The following ADGRL3 variants were observed in gnomAD, a reference collection of about 807,000 sequenced individuals.
ADGRL3 encodes the protein adhesion G protein-coupled receptor L3, also known as calcium-independent alpha-latrotoxin receptor 3.
Under a neutral mutation model 153.5 loss-of-function variants are expected in ADGRL3, and 62 were observed. The observed-to-expected ratio is 0.40, with a 90% CI of 0.33 to 0.50. ADGRL3 has a LOEUF of 0.50. Ranked by LOEUF, ADGRL3 falls within the 20% of genes least tolerant of loss-of-function variation. The pLI is 0.47. For missense variants in ADGRL3, 1,641 were observed against 1,859.4 expected (o/e 0.88, Z 2.16); for synonymous variants, 710 against 672.5 (o/e 1.06, Z -0.86).
intron 2 of ADGRL3, among the ~76,000 whole-genome samples, chr4:61,396,118 C>T (rs1169128625): frequency 6.6e-6 from 1 of 151,918 alleles, no homozygotes; most frequent in Non-Finnish European, 1.5e-5. Context: ...AAAGTGCTAC[C>T]TACAGTGTGC....
At chr4:61,402,137 A>G (rs2096936589) in intron 2 of ADGRL3, among the ~76,000 whole-genome samples, 1 of 152,112 alleles carries the variant, frequency 6.6e-6, no homozygotes, top group African/African-American at 2.4e-5. Flanking sequence ...CAACACTTAC[A>G]ACATGTAAAA....
At chr4:61,490,341 T>C (rs2098244835) in intron 2 of ADGRL3, among the ~76,000 whole-genome samples, 1 of 151,970 alleles carries the variant, frequency 6.6e-6, no homozygotes. Context: ...TCCTCATTGT[T>C]TCCTTCTCTT....
intron 8 of ADGRL3, among the ~76,000 whole-genome samples, chr4:61,783,196 T>G (rs1464792585): frequency 3.9e-5 from 6 of 152,128 alleles, no homozygotes; most frequent in Non-Finnish European, 8.8e-5. Context: ...TTGATATCAG[T>G]GGCTTAAGGG....
intron 1 of ADGRL3, among the ~76,000 whole-genome samples, chr4:61,264,733 C>T (rs1390892570): frequency 6.6e-6 from 1 of 151,948 alleles, no homozygotes; most frequent in Non-Finnish European, 1.5e-5. Flanking sequence ...TATACTTGAC[C>T]TATGGCAAAT....
intron 8 of ADGRL3, among the ~76,000 whole-genome samples, chr4:61,777,061 T>A (rs555279520): frequency 1.8e-3 from 279 of 152,124 alleles, no homozygotes; most frequent in African/African-American, 6.6e-3. Context: ...TCTGGCCAGG[T>A]GTGCTGGCTC....
At chr4:61,553,997 AGAG>A (rs1023827044) in intron 4 of ADGRL3, among the ~76,000 whole-genome samples, 1 of 152,044 alleles carries the variant, frequency 6.6e-6, no homozygotes, top group African/African-American at 2.4e-5. Context: ...GCCGGAGAAC[AGAG>A]GAGAAAGCTT....
At chr4:61,844,042 A>G (rs1379311263) in intron 9 of ADGRL3, among the ~76,000 whole-genome samples, 2 of 151,102 alleles carry the variant, frequency 1.3e-5, no homozygotes, top group Admixed American at 6.6e-5. Flanking sequence ...AAAAATCAAC[A>G]GTAGACTATA....
At chr4:61,924,649 T>C (rs1463371022) in intron 13 of ADGRL3, among the ~76,000 whole-genome samples, 1 of 152,158 alleles carries the variant, frequency 6.6e-6, no homozygotes, top group Non-Finnish European at 1.5e-5. Flanking sequence ...ACACATGCCG[T>C]TTTAAGGTTT....
chr4:62,073,181 G>T lies in ADGRL3; in HGVS notation c.*2273G>T, dbSNP rs1374985660. 1 of 151,952 alleles carries T rather than the reference G, an allele frequency of 6.6e-6. No individual in the cohort carries two copies. The highest frequency in any genetic ancestry group is 2.4e-5 in the African/African-American group (1 of 41,396). The allele number at this position is 151,952 out of a possible 1,614,324, so 9.4% of individuals were successfully genotyped here. On this transcript the variant is annotated 3_prime_UTR_variant, in exon 27 of 27. Coordinates refer to ENST00000683033, the MANE Select transcript of ADGRL3 (RefSeq NM_001387552.1). ...CTATCTTAAATCAAGTTTAGAGAATGGCCAATAATCTGTATATAGTTTATA... is the reference window on the plus strand; with the variant it reads ...CTATCTTAAATCAAGTTTAGAGAATTGCCAATAATCTGTATATAGTTTATA...
At chr4:61,650,287 G>A (rs2094197860) in intron 5 of ADGRL3, among the ~76,000 whole-genome samples, 1 of 151,368 alleles carries the variant, frequency 6.6e-6, no homozygotes. Flanking sequence ...AAATTAGACT[G>A]TGATTAATTC....
chr4:62,002,210 T>C (rs2099142862), intron 21 of ADGRL3, among the ~76,000 whole-genome samples: 1 of 149,532 alleles, frequency 6.7e-6, no homozygotes, highest in Non-Finnish European at 1.5e-5. Context: ...CCCATTACTC[T>C]TAACTGAAGG....
intron 1 of ADGRL3, among the ~76,000 whole-genome samples, chr4:61,327,882 A>G (rs1283135348): frequency 1.3e-5 from 2 of 152,126 alleles, no homozygotes; most frequent in African/African-American, 4.8e-5. Context: ...TTTTAAAGAA[A>G]TAGGACTTGG....
At chr4:61,977,666 G>T (rs972782866) in intron 17 of ADGRL3, among the ~76,000 whole-genome samples, 3 of 152,128 alleles carry the variant, frequency 2.0e-5, no homozygotes, top group Admixed American at 2.0e-4. Context: ...TTATGATTCA[G>T]ATTACAGCAT....
intron 1 of ADGRL3, among the ~76,000 whole-genome samples, chr4:61,315,865 C>A (rs986313697): frequency 6.6e-6 from 1 of 152,132 alleles, no homozygotes; most frequent in African/African-American, 2.4e-5. Context: ...TTTGCCTTCT[C>A]CTTTCCATTT....
chr4:61,850,538 G>C (rs1427723826), intron 9 of ADGRL3, among the ~76,000 whole-genome samples: 1 of 152,158 alleles, frequency 6.6e-6, no homozygotes, highest in African/African-American at 2.4e-5. Flanking sequence ...TTTAGCTCCT[G>C]TGTCTAATTT....
At chr4:61,272,935 C>T (rs1294283990) in intron 1 of ADGRL3, among the ~76,000 whole-genome samples, 1 of 152,000 alleles carries the variant, frequency 6.6e-6, no homozygotes, top group Non-Finnish European at 1.5e-5. Context: ...AATGTGGATC[C>T]TAGACTCAGA....
chr4:61,845,080 G>A (rs2098098812), intron 9 of ADGRL3, among the ~76,000 whole-genome samples: 1 of 152,068 alleles, frequency 6.6e-6, no homozygotes, highest in Admixed American at 6.6e-5. Flanking sequence ...ATCTTATGTG[G>A]CTAGGTGTAG....
intron 5 of ADGRL3, among the ~76,000 whole-genome samples, chr4:61,649,471 T>C (rs1580087133): frequency 1.3e-5 from 2 of 152,160 alleles, no homozygotes; most frequent in Non-Finnish European, 2.9e-5. Flanking sequence ...AACTTTGCTC[T>C]TTTGTATTTT....
At chr4:61,313,297 T>A (rs180713479) in intron 1 of ADGRL3, among the ~76,000 whole-genome samples, 1 of 152,332 alleles carries the variant, frequency 6.6e-6, no homozygotes, top group Admixed American at 6.5e-5. Context: ...GTACTCTATA[T>A]GGCACTGCAA....
Sources: gnomAD v4.1 joint callset for allele counts (sites outside exome capture counted in the v4.1 genomes callset) on GRCh38, gnomAD v4.1.1 for gene constraint, MANE v1.5 for transcripts, NCBI Gene and HGNC (gene_info 2026-07-23, HGNC 2026-07-21) for gene names.